The following SPATS1 variants were observed in gnomAD, a reference collection of about 807,000 sequenced individuals.
The protein encoded by SPATS1 is spermatogenesis associated serine rich 1, also known as spermatogenesis-associated serine-rich protein 1.
SPATS1 carries 23 observed loss-of-function variants against 33.6 expected under a neutral mutation model. That is an observed-to-expected ratio of 0.68 (90% CI 0.49 to 0.97). The LOEUF is 0.97. Ranked by LOEUF, SPATS1 falls within the 50% of genes least tolerant of loss-of-function variation. The pLI, the probability that SPATS1 is intolerant of heterozygous loss-of-function variation, is 0.00. For missense variants in SPATS1, 327 were observed against 361.0 expected (o/e 0.91, Z 0.76); for synonymous variants, 131 against 125.6 (o/e 1.04, Z -0.29).
At position 44,361,813 on chromosome 6, in the gene SPATS1, C is replaced by T; in HGVS notation, c.413-18C>T. 6.2e-7 allele frequency: 1 copy of T among 1,614,216 alleles called. No homozygotes were observed. The highest frequency in any genetic ancestry group is 1.6e-4 in the Middle Eastern group (1 of 6,062). ...GGCTGGGAACAGTGCTAATGGAAGG[C>T]TTTCTGGTGTATTGCAGAAGATGGG... is the stretch of plus-strand genomic sequence containing the variant. On this transcript the variant is annotated intron_variant, in intron 4 of 8. Coordinates refer to ENST00000674044, the MANE Select transcript of SPATS1 (RefSeq NM_001372081.1).
At chr6:44,347,902 C>A (rs1446230789) in intron 2 of SPATS1, among the ~76,000 whole-genome samples, 4 of 152,088 alleles carry the variant, frequency 2.6e-5, no homozygotes, top group Non-Finnish European at 5.9e-5. Context: ...GGCTATGTAA[C>A]CCTGAACAAG....
At chr6:44,367,132 G>A (rs1038981753) in intron 5 of SPATS1, among the ~76,000 whole-genome samples, 1 of 152,170 alleles carries the variant, frequency 6.6e-6, no homozygotes, top group African/African-American at 2.4e-5. Context: ...CTATTTCCCA[G>A]GCTGGAGTGC....
At chr6:44,363,674 C>T (rs1276460540) in intron 5 of SPATS1, among the ~76,000 whole-genome samples, 2 of 24,824 alleles carry the variant, frequency 8.1e-5, no homozygotes, top group African/African-American at 1.6e-4. Flanking sequence ...CTCCTTCCTT[C>T]CTTCCCTCCT....
intron 2 of SPATS1, among the ~76,000 whole-genome samples, chr6:44,346,038 A>C (rs891492513): frequency 1.1e-4 from 16 of 152,278 alleles, no homozygotes; most frequent in African/African-American, 3.1e-4. Context: ...CTGTAATCCC[A>C]GCACTTTTGA....
At chr6:44,361,659 G>C (rs1583087304) in intron 4 of SPATS1, 172 bp from the exon 5 acceptor site, 1 of 745,284 alleles carries the variant, frequency 1.3e-6, no homozygotes, top group East Asian at 1.3e-4. Flanking sequence ...TTCCTTTTGT[G>C]TCTAGTCCCA....
chr6:44,376,523 C>T lies in SPATS1; in HGVS notation c.874+50C>T, dbSNP rs192435295. On this transcript the variant is annotated intron_variant, in intron 8 of 8. Transcript: ENST00000674044. ...TAGTGTAAAAACTGGAGGAGTCCGC[C>T]GGGTATGGTGGCTCACTCCTGTAAT... The T allele has an allele frequency of 1.9e-4, 247 of 1,326,366 alleles. No homozygotes were observed. In the East Asian group the frequency reaches 4.6e-3, roughly 25 times the overall value. 82.2% of individuals were successfully genotyped at this position (1,326,366 alleles called of 1,614,324 possible). A position where few individuals can be genotyped will look rare whatever the true frequency, so the allele number is the denominator to read the frequency against.
chr6:44,372,123 G>C (rs939582993), intron 7 of SPATS1, among the ~76,000 whole-genome samples: 1 of 146,558 alleles, frequency 6.8e-6, no homozygotes, highest in Non-Finnish European at 1.5e-5. Context: ...GTGTGGTGGC[G>C]CGCACCTGTA....
At chr6:44,364,822 G>A (rs2153368504) in intron 5 of SPATS1, among the ~76,000 whole-genome samples, 1 of 140,838 alleles carries the variant, frequency 7.1e-6, no homozygotes, top group South Asian at 2.2e-4. Flanking sequence ...TTTTTAGACA[G>A]AGTCTCGCTC....
intron 3 of SPATS1, among the ~76,000 whole-genome samples, chr6:44,359,723 C>T (rs1366174168): frequency 3.3e-5 from 5 of 152,054 alleles, no homozygotes; most frequent in Admixed American, 6.6e-5. Context: ...GCATGCACTA[C>T]CATGCCTGGC....
chr6:44,353,773 C>T (rs1207458773), intron 3 of SPATS1, among the ~76,000 whole-genome samples: 2 of 152,122 alleles, frequency 1.3e-5, no homozygotes, highest in African/African-American at 2.4e-5. Context: ...CAAGGTGGCT[C>T]ACGCCTGTAA....
intron 2 of SPATS1, among the ~76,000 whole-genome samples, chr6:44,346,474 C>T (rs545787924): frequency 6.6e-6 from 1 of 152,262 alleles, no homozygotes; most frequent in Admixed American, 6.5e-5. Context: ...CAGACTCGAC[C>T]TCTCCAGCTC....
chr6:44,343,784 T>C (rs1197732253), intron 2 of SPATS1, among the ~76,000 whole-genome samples: 1 of 152,204 alleles, frequency 6.6e-6, no homozygotes, highest in African/African-American at 2.4e-5. Context: ...AACAGTGTCA[T>C]GGCGCTGAAC....
intron 7 of SPATS1, among the ~76,000 whole-genome samples, chr6:44,372,606 C>T (rs1309571624): frequency 6.6e-6 from 1 of 152,060 alleles, no homozygotes; most frequent in Admixed American, 6.5e-5. Context: ...GGATTACAGG[C>T]ACGTGCCACC....
intron 3 of SPATS1, among the ~76,000 whole-genome samples, chr6:44,353,267 A>C (rs940677125): frequency 1.3e-5 from 2 of 152,226 alleles, no homozygotes; most frequent in African/African-American, 4.8e-5. Flanking sequence ...AAACTTAAAG[A>C]AAAGCAAATA....
rs56865543 is a variant in SPATS1, at chr6:44,364,841, A to G, written c.574+2849A>G. On this transcript the variant is annotated intron_variant, in intron 5 of 8. Transcript: ENST00000674044. Reference sequence around the variant, plus strand: ...TAGACAGAGTCTCGCTCTGTCACCCAGGCTGGAGTGCAGTAGCGTGACCTT... The same window carrying G: ...TAGACAGAGTCTCGCTCTGTCACCCGGGCTGGAGTGCAGTAGCGTGACCTT... 1.2e-3 allele frequency among the ~76,000 whole-genome samples: 169 copies of G among 145,066 alleles called. 2 individuals are homozygous for G. The East Asian group carries it at 0.026, about 22-fold the overall frequency.
In SPATS1 at chr6:44,377,201, T is replaced by C. The variant is rs1204512555; in HGVS notation, c.*138T>C. On this transcript the variant is annotated 3_prime_UTR_variant, in exon 9 of 9. Coordinates refer to ENST00000674044, the MANE Select transcript of SPATS1 (RefSeq NM_001372081.1). ...TGTTGTGCTTTGCTTTTTTAAAACT[T>C]TATATTTTGAAAACTTTCACATTTA... The C allele has an allele frequency of 1.8e-5, 19 of 1,082,180 alleles. 1 individual carries two copies. In the South Asian group the frequency reaches 2.6e-4, roughly 15 times the overall value. 67.0% of individuals were successfully genotyped at this position (1,082,180 alleles called of 1,614,324 possible). A position where few individuals can be genotyped will look rare whatever the true frequency, so the allele number is the denominator to read the frequency against.
intron 3 of SPATS1, among the ~76,000 whole-genome samples, chr6:44,358,046 A>T (rs1247418654): frequency 2.0e-5 from 3 of 152,160 alleles, no homozygotes; most frequent in African/African-American, 7.2e-5. Flanking sequence ...TGAGACATTG[A>T]ACCCCAATTC....
At chr6:44,368,998 G>A (rs1388115901) in intron 6 of SPATS1, among the ~76,000 whole-genome samples, 4 of 150,808 alleles carry the variant, frequency 2.7e-5, no homozygotes, top group African/African-American at 7.3e-5. Context: ...CTGGGTTCAT[G>A]CCATTCTCCT....
intron 2 of SPATS1, among the ~76,000 whole-genome samples, chr6:44,350,807 C>G (rs949555349): frequency 2.0e-5 from 3 of 152,138 alleles, no homozygotes; most frequent in Admixed American, 2.0e-4. Flanking sequence ...ATTCGACCAA[C>G]TGCCCATAGT....
Sources: gnomAD v4.1 joint callset for allele counts (sites outside exome capture counted in the v4.1 genomes callset) on GRCh38, gnomAD v4.1.1 for gene constraint, MANE v1.5 for transcripts, NCBI Gene and HGNC (gene_info 2026-07-23, HGNC 2026-07-21) for gene names.